The following ACSBG1 variants were observed in gnomAD, a reference collection of about 807,000 sequenced individuals.
The protein encoded by ACSBG1 is acyl-CoA synthetase bubblegum family member 1, also known as long-chain-fatty-acid--CoA ligase ACSBG1.
Under a neutral mutation model 80.2 loss-of-function variants are expected in ACSBG1, and 39 were observed. The ratio of observed to expected loss-of-function variants is 0.49; its 90% CI spans 0.38 to 0.64. ACSBG1 has a LOEUF of 0.64. ACSBG1 is among the 30% of genes least tolerant of loss of function. ACSBG1 has a pLI of 0.00. For missense variants in ACSBG1, 828 were observed against 966.4 expected (o/e 0.86, Z 1.90); for synonymous variants, 392 against 379.5 (o/e 1.03, Z -0.38).
chr15:78,180,994 C>T lies in ACSBG1; in HGVS notation c.1072-58G>A, dbSNP rs2074937758. 5 of 1,569,534 alleles carry T rather than the reference C, an allele frequency of 3.2e-6. No homozygotes were observed. In the East Asian group the frequency reaches 6.8e-5, roughly 21 times the overall value. The stretch of plus-strand genomic sequence containing the variant: ...TCAGGGGCATCTGGGGCCCAGGGGT[C>T]CCCTCTTACCAGCCAGGCATGCCGG... On this transcript the variant is annotated intron_variant, in intron 8 of 13. Transcript: ENST00000258873.
intron 5 of ACSBG1, among the ~76,000 whole-genome samples, chr15:78,184,501 C>G (rs28616107): frequency 1.3e-5 from 2 of 151,852 alleles, no homozygotes; most frequent in Admixed American, 6.6e-5. Flanking sequence ...GGTAATAATA[C>G]TGATAATACT....
chr15:78,173,988 G>T, intron 12 of ACSBG1, 149 bp from the exon 13 acceptor site: 1 of 979,324 alleles, frequency 1.0e-6, no homozygotes, highest in Non-Finnish European at 1.5e-6. Context: ...AGCTGCTACT[G>T]TGTTGAGCCT....
intron 1 of ACSBG1, among the ~76,000 whole-genome samples, chr15:78,216,713 C>T (rs1473728620): frequency 1.3e-5 from 2 of 152,128 alleles, no homozygotes; most frequent in South Asian, 2.1e-4. Context: ...GGCCTCAACC[C>T]CCAAGGCTCA....
intron 1 of ACSBG1, among the ~76,000 whole-genome samples, chr15:78,230,496 C>T (rs372263411): frequency 9.2e-5 from 14 of 152,220 alleles, no homozygotes; most frequent in African/African-American, 3.1e-4. Flanking sequence ...CAGGAGCAGC[C>T]ACCATGGCCA....
At position 78,234,392 on chromosome 15, in the gene ACSBG1, G is replaced by A; in HGVS notation, c.110C>T (p.Thr37Ile). 1.9e-6 allele frequency: 3 copies of A among 1,612,150 alleles called. No homozygotes were observed. The highest frequency in any genetic ancestry group is 2.5e-6 in the Non-Finnish European group (3 of 1,180,010). ...ESRQDMIVRT[T>I]QEKLKTSSLT... ...TTACCTGGTTTTCAATTTTTCTTGG[G>A]TGGTCCTCACAATCATGTCCTGCCG... The change falls in exon 1 of 14, where the codon ACC becomes ATC. Residue 37 changes from threonine to isoleucine, a missense_variant. This residue lies in a region of ACSBG1 where 356 missense variants were observed against 363.5 expected (regional missense o/e 0.98). Transcript: ENST00000258873.
Position 78,215,724 on chromosome 15 carries a change from G to GAGAAAGAAAGAAAGGA in ACSBG1, c.132-7623_132-7622insTCCTTTCTTTCTTTCT, listed in dbSNP as rs1555434002. On this transcript the variant is annotated intron_variant, in intron 1 of 13. Transcript: ENST00000258873. Reference sequence around the variant, plus strand: ...AGAAGGAAAGAGAGAAAGAAAGAAAGAGAAAGAAAGAAAGAAAGAAAGAAA... The same window carrying GAGAAAGAAAGAAAGGA: ...AGAAGGAAAGAGAGAAAGAAAGAAAGAGAAAGAAAGAAAGGAAGAAAGAAAGAAAGAAAGAAAGAAA... Among the ~76,000 whole-genome samples the GAGAAAGAAAGAAAGGA allele has an allele frequency of 6.9e-5, 8 of 116,640 alleles. 1 individual carries two copies. The highest frequency in any genetic ancestry group is 5.6e-4 in the Admixed American group (6 of 10,660). 76.5% of individuals were successfully genotyped at this position (116,640 alleles called of 152,430 possible).
intron 8 of ACSBG1, among the ~76,000 whole-genome samples, chr15:78,181,489 CTTTTTTT>C (rs71145901): frequency 2.0e-4 from 17 of 83,036 alleles, no homozygotes; most frequent in East Asian, 2.0e-3. Context: ...CATCAGGTTT[CTTTTTTT>C]TTTTTTTTTT....
At chr15:78,181,129 C>T in intron 8 of ACSBG1, 193 bp from the exon 9 acceptor site, 1 of 646,866 alleles carries the variant, frequency 1.5e-6, no homozygotes, top group Non-Finnish European at 2.6e-6. Flanking sequence ...ACCCTGGTGG[C>T]AGGCAGCAGT....
At chr15:78,217,993 C>T (rs1462818171) in intron 1 of ACSBG1, among the ~76,000 whole-genome samples, 3 of 152,108 alleles carry the variant, frequency 2.0e-5, no homozygotes, top group African/African-American at 2.4e-5. Context: ...AAGGGCAGTG[C>T]GATGCTCAAA....
chr15:78,231,232 T>C (rs2075444577), intron 1 of ACSBG1, among the ~76,000 whole-genome samples: 1 of 152,086 alleles, frequency 6.6e-6, no homozygotes, highest in African/African-American at 2.4e-5. Flanking sequence ...GCAGTTCTCC[T>C]GCCTCAGCCT....
chr15:78,234,467 G>A lies in ACSBG1; in HGVS notation c.35C>T (p.Pro12Leu), dbSNP rs200820315. The change falls in exon 1 of 14, where the codon CCA becomes CTA. Residue 12 changes from proline (P) to leucine (L), a missense_variant. Pro to Leu is a moderately conservative substitution (Grantham distance 98). This residue lies in a region of ACSBG1 where 356 missense variants were observed against 363.5 expected (regional missense o/e 0.98). Transcript: ENST00000258873. ...PRNSGAGYGC[P>L]HGDPSMLDSR... ...GTCCAGCATGCTGGGGTCCCCGTGT[G>A]GGCAGCCGTATCCAGCTCCAGAATT... The A allele has an allele frequency of 5.0e-6, 8 of 1,612,446 alleles. No individual in the cohort carries two copies. Among genetic ancestry groups the A allele is most frequent in the Non-Finnish European group, 6.8e-6 (8 of 1,180,022 alleles).
intron 1 of ACSBG1, among the ~76,000 whole-genome samples, chr15:78,231,130 C>CT (rs2075443765): frequency 1.3e-5 from 2 of 151,394 alleles, no homozygotes; most frequent in African/African-American, 4.8e-5. Flanking sequence ...ATTTTTTTTT[C>CT]TTTTTTTGAG....
intron 1 of ACSBG1, among the ~76,000 whole-genome samples, chr15:78,225,422 A>AATAAATAAATAC (rs1418826525): frequency 6.6e-6 from 1 of 150,556 alleles, no homozygotes; most frequent in Non-Finnish European, 1.5e-5. Flanking sequence ...TAAATAAATA[A>AATAAATAAATAC]ATAAATAAAT....
chr15:78,181,984 T>G lies in ACSBG1; in HGVS notation c.1056A>C (p.Glu352Asp). The G allele has an allele frequency of 6.2e-7, 1 of 1,613,990 alleles. No individual in the cohort carries two copies. The highest frequency in any genetic ancestry group is 1.3e-5 in the African/African-American group (1 of 75,048). Reference protein sequence around the residue: ...IQWGAQVCFAEPDALKGSLVN... With the variant: ...IQWGAQVCFADPDALKGSLVN... ...GCAGACTGACCTTCAGGGCGTCGGG[T>G]TCGGCAAAGCAAACCTGGGCCCCCC... Residue 352 changes from glutamate to aspartate, a missense_variant, in exon 8 of 14, where the codon GAA becomes GAC. Coordinates refer to ENST00000258873, the MANE Select transcript of ACSBG1 (RefSeq NM_015162.5).
intron 1 of ACSBG1, among the ~76,000 whole-genome samples, chr15:78,216,318 T>C (rs1595901168): frequency 6.6e-6 from 1 of 152,104 alleles, no homozygotes; most frequent in East Asian, 1.9e-4. Flanking sequence ...CAAAGATGCA[T>C]TCTTTGCAGG....
chr15:78,194,129 C>T, intron 3 of ACSBG1, 109 bp from the exon 4 acceptor site: 1 of 1,043,372 alleles, frequency 9.6e-7, no homozygotes, highest in Middle Eastern at 2.5e-4. Context: ...CTCCACCCTC[C>T]CAGGGTCCCC....
chr15:78,180,763 G>A lies in ACSBG1; in HGVS notation c.1245C>T (p.Cys415=). 1 of 1,613,960 alleles carries A rather than the reference G, an allele frequency of 6.2e-7. No homozygotes were observed. Among genetic ancestry groups the A allele is most frequent in the Non-Finnish European group, 8.5e-7 (1 of 1,179,954 alleles). The change falls in exon 9 of 14, where the codon TGC becomes TGT. Residue 415 remains cysteine (C), a synonymous_variant. Transcript: ENST00000258873. Reference sequence around the variant, plus strand: ...CCGTGGGCCCTCTGTACCTGCCGGGGCAGGTGAGGTTCTGCTCCAAGGTCA... The same window carrying A: ...CCGTGGGCCCTCTGTACCTGCCGGGACAGGTGAGGTTCTGCTCCAAGGTCA... The part of the protein sequence containing the change: ...MSVTLEQNLT[C]PGSDLKPFTT...
At chr15:78,221,012 A>G (rs2075355552) in intron 1 of ACSBG1, among the ~76,000 whole-genome samples, 1 of 152,260 alleles carries the variant, frequency 6.6e-6, no homozygotes, top group Non-Finnish European at 1.5e-5. Context: ...AAATGTTCAC[A>G]GCAGCACTTT....
At chr15:78,179,916 C>A in intron 9 of ACSBG1, 136 bp from the exon 10 acceptor site, 1 of 730,314 alleles carries the variant, frequency 1.4e-6, no homozygotes, top group Admixed American at 2.6e-5. Context: ...GTTGTCTGTT[C>A]CAGTTGGTTG....
Sources: gnomAD v4.1 joint callset for allele counts (sites outside exome capture counted in the v4.1 genomes callset) on GRCh38, gnomAD v4.1.1 for gene constraint, gnomAD v4.1.1 regional missense constraint, MANE v1.5 for transcripts, NCBI Gene and HGNC (gene_info 2026-07-23, HGNC 2026-07-21) for gene names.